FAM168A: variants seen among roughly 807,000 people sequenced by gnomAD.
The protein encoded by FAM168A is protein FAM168A.
In FAM168A, 3 loss-of-function variants were observed where a neutral mutation model predicts 28.5. The ratio of observed to expected loss-of-function variants is 0.11; its 90% confidence interval spans 0.05 to 0.27. The LOEUF is 0.27. Among genes scored for constraint, FAM168A ranks in the 10% least tolerant of loss-of-function variants. The probability of loss-of-function intolerance (pLI) is 1.00; values close to 1 mark genes in which losing one functional copy is unlikely to be tolerated. For missense variants in FAM168A, 222 were observed against 311.5 expected (o/e 0.71, Z 2.16); for synonymous variants, 122 against 124.2 (o/e 0.98, Z 0.12).
intron 1 of FAM168A, among the ~76,000 whole-genome samples, chr11:73,542,620 T>G (rs1943672177): frequency 6.6e-6 from 1 of 152,226 alleles, no homozygotes; most frequent in South Asian, 2.1e-4. Context: ...ATGATCCTTT[T>G]AAATAAAGTT....
chr11:73,496,503 TA>T (rs1854878765), intron 1 of FAM168A, among the ~76,000 whole-genome samples: 1 of 152,256 alleles, frequency 6.6e-6, no homozygotes, highest in South Asian at 2.1e-4. Flanking sequence ...TACTGTAGTG[TA>T]TACTTAAAAA....
At chr11:73,564,672 G>C (rs1837053558) in intron 1 of FAM168A, among the ~76,000 whole-genome samples, 1 of 150,500 alleles carries the variant, frequency 6.6e-6, no homozygotes, top group Non-Finnish European at 1.5e-5. Flanking sequence ...GAACCCAGGA[G>C]GCAGAGCTTG....
chr11:73,587,797 T>C (rs1944333691), intron 1 of FAM168A, among the ~76,000 whole-genome samples: 1 of 152,188 alleles, frequency 6.6e-6, no homozygotes, highest in African/African-American at 2.4e-5. Flanking sequence ...TCGCCCAGGC[T>C]GGAGGGCAGT....
At chr11:73,500,256 C>CTTTT (rs57040993) in intron 1 of FAM168A, among the ~76,000 whole-genome samples, 17 of 122,594 alleles carry the variant, frequency 1.4e-4, no homozygotes, top group Admixed American at 2.5e-4. Flanking sequence ...CCCAGAATTC[C>CTTTT]TTTTTTTTTT....
At chr11:73,473,409 G>A (rs1867842237) in intron 1 of FAM168A, among the ~76,000 whole-genome samples, 1 of 152,068 alleles carries the variant, frequency 6.6e-6, no homozygotes, top group Non-Finnish European at 1.5e-5. Flanking sequence ...TGCTCTGCTT[G>A]GACCCTAACA....
intron 1 of FAM168A, among the ~76,000 whole-genome samples, chr11:73,564,105 T>C (rs989256735): frequency 6.6e-6 from 1 of 152,212 alleles, no homozygotes; most frequent in Non-Finnish European, 1.5e-5. Flanking sequence ...GAAGGTCTTC[T>C]ATAGCGGCTT....
chr11:73,484,703 T>G (rs570623703), intron 1 of FAM168A, among the ~76,000 whole-genome samples: 1 of 130,758 alleles, frequency 7.6e-6, no homozygotes, highest in Non-Finnish European at 1.5e-5. Flanking sequence ...TAGATATAGA[T>G]ATATATAGAT....
intron 4 of FAM168A, among the ~76,000 whole-genome samples, 160 bp downstream of exon 4, chr11:73,419,714 T>G (rs1477646148): frequency 1.3e-5 from 2 of 152,222 alleles, no homozygotes; most frequent in Non-Finnish European, 2.9e-5. Flanking sequence ...GAATGACCTT[T>G]CCTGAATAAG....
At chr11:73,433,523 T>C (rs941930491) in intron 2 of FAM168A, among the ~76,000 whole-genome samples, 6 of 152,286 alleles carry the variant, frequency 3.9e-5, no homozygotes, top group South Asian at 2.1e-4. Context: ...TTGGCTTATA[T>C]TGAGATCACT....
At position 73,503,810 on chromosome 11, in the gene FAM168A, A is replaced by C. The variant is rs746002355; in HGVS notation, c.-18-35318T>G. ...GCATGGTACTGCTACCAAAACATAG[A>C]GACCAATGGAGCAGAACAGAGACCT... On this transcript the variant is annotated intron_variant, in intron 1 of 7. Transcript: ENST00000356467. 8.5e-5 allele frequency among the ~76,000 whole-genome samples: 13 copies of C among 152,212 alleles called. 1 individual carries two copies. The highest frequency in any genetic ancestry group is 1.9e-4 in the Non-Finnish European group (13 of 68,036).
chr11:73,456,154 A>C (rs1361552593), intron 2 of FAM168A, among the ~76,000 whole-genome samples: 1 of 152,222 alleles, frequency 6.6e-6, no homozygotes, highest in Non-Finnish European at 1.5e-5. Context: ...GATGCTTCAA[A>C]GATTGGCTTA....
chr11:73,566,751 C>T (rs1406395260), intron 1 of FAM168A, among the ~76,000 whole-genome samples: 2 of 152,074 alleles, frequency 1.3e-5, no homozygotes, highest in African/African-American at 4.8e-5. Flanking sequence ...ATATTGAATG[C>T]TAATGATAAA....
intron 2 of FAM168A, among the ~76,000 whole-genome samples, chr11:73,442,973 T>TATATATATAC (rs1867229364): frequency 8.7e-6 from 1 of 115,360 alleles, no homozygotes; most frequent in African/African-American, 3.8e-5. Context: ...TATATATATA[T>TATATATATAC]ATATATATAT....
At chr11:73,488,154 G>A (rs769376850) in intron 1 of FAM168A, among the ~76,000 whole-genome samples, 7 of 148,578 alleles carry the variant, frequency 4.7e-5, no homozygotes, top group African/African-American at 7.5e-5. Context: ...CTTTTTAGAC[G>A]AAGTCTCACT....
intron 1 of FAM168A, among the ~76,000 whole-genome samples, chr11:73,503,804 A>T (rs1309178419): frequency 6.6e-6 from 1 of 152,212 alleles, no homozygotes; most frequent in Non-Finnish European, 1.5e-5. Flanking sequence ...TGCTACCAAA[A>T]CATAGAGACC....
intron 1 of FAM168A, among the ~76,000 whole-genome samples, chr11:73,583,724 C>A (rs1944275996): frequency 6.6e-6 from 1 of 152,204 alleles, no homozygotes; most frequent in Non-Finnish European, 1.5e-5. Flanking sequence ...AAAAGAGGCA[C>A]TGCACATCTG....
chr11:73,564,038 G>A (rs534154766), intron 1 of FAM168A, among the ~76,000 whole-genome samples: 1 of 152,170 alleles, frequency 6.6e-6, no homozygotes, highest in East Asian at 1.9e-4. Context: ...CTCCTAAGGT[G>A]GCAAAATGGC....
intron 2 of FAM168A, among the ~76,000 whole-genome samples, chr11:73,454,832 C>G (rs1284701213): frequency 2.6e-5 from 4 of 152,296 alleles, no homozygotes; most frequent in African/African-American, 4.8e-5. Context: ...AACCCGTCCC[C>G]TTTTCAGCCC....
chr11:73,416,152 G>A lies in FAM168A; in HGVS notation c.277+3722C>T, dbSNP rs536635898. Among the ~76,000 whole-genome samples, 26 of 152,328 alleles carry A rather than the reference G, an allele frequency of 1.7e-4. No homozygotes were observed. In the East Asian group the frequency reaches 4.6e-3, roughly 27 times the overall value. ...TTAGATCACTCGAAGTCCCAGCTCTGCCTTATAAAAGAGGCTTTGTTTATG... is the reference window on the plus strand; with the variant it reads ...TTAGATCACTCGAAGTCCCAGCTCTACCTTATAAAAGAGGCTTTGTTTATG... On this transcript the variant is annotated intron_variant, in intron 4 of 7. Coordinates refer to ENST00000356467, the MANE Select transcript of FAM168A (RefSeq NM_015159.3).
Sources: gnomAD v4.1 joint callset for allele counts (sites outside exome capture counted in the v4.1 genomes callset) on GRCh38, gnomAD v4.1.1 for gene constraint, MANE v1.5 for transcripts, NCBI Gene and HGNC (gene_info 2026-07-23, HGNC 2026-07-21) for gene names.